Variants in NOX4 observed in about 807,000 individuals in gnomAD.
NOX4 encodes the protein NADPH oxidase 4.
NOX4 carries 69 observed loss-of-function variants against 87.6 expected under a neutral mutation model. The observed-to-expected ratio is 0.79, with a 90% CI of 0.65 to 0.96. The LOEUF is 0.96. Ranked by LOEUF, NOX4 falls within the 40% of genes least tolerant of loss-of-function variation. NOX4 has a pLI of 0.00. For missense variants in NOX4, 680 were observed against 681.5 expected (o/e 1.00, Z 0.02); for synonymous variants, 275 against 238.2 (o/e 1.15, Z -1.42).
At chr11:89,531,806 A>G in the NOX4 span, among the ~76,000 whole-genome samples, 1 of 152,186 alleles carries the variant, frequency 6.6e-6, no homozygotes, top group African/African-American at 2.4e-5. Flanking sequence ...GGAGGGAAAA[A>G]CAGTTTTCTG....
intron 12 of NOX4, among the ~76,000 whole-genome samples, chr11:89,372,964 G>A (rs1939556414): frequency 6.6e-6 from 1 of 151,812 alleles, no homozygotes; most frequent in Admixed American, 6.6e-5. Flanking sequence ...TCACCAACAG[G>A]CCTGCTGTGA....
intron 8 of NOX4, 28 bp downstream of exon 8, chr11:89,421,874 T>C: frequency 2.8e-6 from 4 of 1,433,186 alleles, no homozygotes; most frequent in South Asian, 1.3e-5. Context: ...GCACAAATGG[T>C]TTTAAATACA....
the NOX4 span, among the ~76,000 whole-genome samples, chr11:89,527,787 T>G: frequency 2.7e-4 from 41 of 152,218 alleles, no homozygotes; most frequent in African/African-American, 9.9e-4. Flanking sequence ...GGAGCCCTCA[T>G]GAAGAACCTC....
the NOX4 span, chr11:89,545,707 TA>T: frequency 0.41 from 54,017 of 132,578 alleles, 10,148 homozygotes; most frequent in African/African-American, 0.46. Flanking sequence ...AAGTACTGCT[TA>T]AAAAAAAAAA....
At chr11:89,476,327 T>C (rs570889423) in intron 2 of NOX4, among the ~76,000 whole-genome samples, 1 of 152,278 alleles carries the variant, frequency 6.6e-6, no homozygotes, top group Admixed American at 6.5e-5. Context: ...TTTGGTTAAA[T>C]GGTTACTATT....
intron 8 of NOX4, among the ~76,000 whole-genome samples, chr11:89,404,499 A>G (rs1942056827): frequency 6.6e-6 from 1 of 152,180 alleles, no homozygotes; most frequent in Non-Finnish European, 1.5e-5. Context: ...TAGTGTTTTA[A>G]TAATAGCTTA....
intron 8 of NOX4, among the ~76,000 whole-genome samples, chr11:89,409,221 TTAAA>T (rs1178630595): frequency 6.6e-6 from 1 of 152,178 alleles, no homozygotes; most frequent in Non-Finnish European, 1.5e-5. Context: ...AAAATGTTTC[TTAAA>T]TAAATACAGT....
intron 8 of NOX4, among the ~76,000 whole-genome samples, chr11:89,418,205 T>C (rs1377954311): frequency 1.3e-5 from 2 of 151,794 alleles, no homozygotes; most frequent in Non-Finnish European, 1.5e-5. Flanking sequence ...ACTTTCACTC[T>C]GCCAAAATCA....
At chr11:89,515,475 T>C in the NOX4 span, among the ~76,000 whole-genome samples, 1 of 151,888 alleles carries the variant, frequency 6.6e-6, no homozygotes, top group Non-Finnish European at 1.5e-5. Flanking sequence ...TTCAAGTTTT[T>C]TTTTTCAAAT....
At chr11:89,385,001 AAGGC>A (rs1940589182) in intron 11 of NOX4, among the ~76,000 whole-genome samples, 1 of 152,132 alleles carries the variant, frequency 6.6e-6, no homozygotes, top group Non-Finnish European at 1.5e-5. Context: ...CTCATTAGCA[AAGGC>A]AGGCTATGCT....
chr11:89,412,123 T>C (rs1409860004), intron 8 of NOX4, among the ~76,000 whole-genome samples: 2 of 152,028 alleles, frequency 1.3e-5, no homozygotes, highest in Non-Finnish European at 2.9e-5. Flanking sequence ...GAGATAACAA[T>C]TGTAAATATA....
At chr11:89,348,395 A>G (rs1261664841) in intron 13 of NOX4, among the ~76,000 whole-genome samples, 1 of 151,900 alleles carries the variant, frequency 6.6e-6, no homozygotes, top group African/African-American at 2.4e-5. Flanking sequence ...AACCTGGGTA[A>G]CAGAGTAAGA....
intron 4 of NOX4, among the ~76,000 whole-genome samples, chr11:89,447,380 A>G (rs1944754093): frequency 6.6e-6 from 1 of 152,224 alleles, no homozygotes; most frequent in African/African-American, 2.4e-5. Flanking sequence ...TAACAGCTAT[A>G]GAAAATACAT....
At chr11:89,514,135 A>G in the NOX4 span, among the ~76,000 whole-genome samples, 1 of 152,066 alleles carries the variant, frequency 6.6e-6, no homozygotes, top group African/African-American at 2.4e-5. Flanking sequence ...TTGCTTCATG[A>G]TCATGGGGTG....
At chr11:89,411,550 C>T (rs1942478036) in intron 8 of NOX4, among the ~76,000 whole-genome samples, 1 of 152,100 alleles carries the variant, frequency 6.6e-6, no homozygotes, top group Admixed American at 6.5e-5. Context: ...ACTGAGGAGT[C>T]CTTGGGCCTT....
intron 12 of NOX4, among the ~76,000 whole-genome samples, chr11:89,366,616 A>C (rs573592158): frequency 1.3e-5 from 2 of 151,772 alleles, no homozygotes; most frequent in African/African-American, 4.8e-5. Context: ...AGATCCTGGA[A>C]GGTCAAGGCT....
chr11:89,478,580 C>T (rs968767937), intron 2 of NOX4, among the ~76,000 whole-genome samples: 2 of 152,058 alleles, frequency 1.3e-5, no homozygotes, highest in Non-Finnish European at 2.9e-5. Context: ...TATCAAGAAT[C>T]AGAATGACGG....
At chr11:89,546,968 T>A in the NOX4 span, among the ~76,000 whole-genome samples, 1 of 152,212 alleles carries the variant, frequency 6.6e-6, no homozygotes, top group Non-Finnish European at 1.5e-5. Flanking sequence ...AGCTCATTTG[T>A]CATTTTAATA....
chr11:89,457,780 CA>C (rs745649656), intron 2 of NOX4, among the ~76,000 whole-genome samples: 3,287 of 152,242 alleles, frequency 0.022, 112 homozygotes, highest in African/African-American at 0.07. Context: ...AGCTGAGAGC[CA>C]AATCCAGATC....
Sources: gnomAD v4.1 joint callset for allele counts (sites outside exome capture counted in the v4.1 genomes callset) on GRCh38, gnomAD v4.1.1 for gene constraint, MANE v1.5 for transcripts, NCBI Gene and HGNC (gene_info 2026-07-23, HGNC 2026-07-21) for gene names.